NEK10: variants seen among roughly 807,000 people sequenced by gnomAD.
NEK10 encodes the protein NIMA related kinase 10.
In NEK10, 122 loss-of-function variants were observed where a neutral mutation model predicts 159.8. The ratio of observed to expected loss-of-function variants is 0.76; its 90% CI spans 0.66 to 0.89. The LOEUF (loss-of-function observed/expected upper bound fraction) is 0.89, where lower values mean the gene tolerates loss of function less well. Ranked by LOEUF, NEK10 falls within the 40% of genes least tolerant of loss-of-function variation. The probability of loss-of-function intolerance (pLI) is 0.00; values close to 1 mark genes in which losing one functional copy is unlikely to be tolerated. For missense variants in NEK10, 1,342 were observed against 1,323.1 expected (o/e 1.01, Z -0.22); for synonymous variants, 466 against 457.1 (o/e 1.02, Z -0.25).
At chr3:27,196,253 C>T (rs1178688798) in intron 25 of NEK10, among the ~76,000 whole-genome samples, 4 of 152,184 alleles carry the variant, frequency 2.6e-5, no homozygotes, top group African/African-American at 9.7e-5. Flanking sequence ...CCCCTGCCTG[C>T]TCAATTGATC....
intron 35 of NEK10, among the ~76,000 whole-genome samples, chr3:27,114,032 T>C (rs551660297): frequency 6.6e-6 from 1 of 152,312 alleles, no homozygotes; most frequent in South Asian, 2.1e-4. Flanking sequence ...CTATCCATGA[T>C]AGTATGCTTA....
At position 27,174,758 on chromosome 3, in the gene NEK10, C is replaced by T. The variant is rs539373085; in HGVS notation, c.2581G>A (p.Ala861Thr). The change falls in exon 27 of 36, where the codon GCA becomes ACA. Residue 861 changes from alanine (A) to threonine (T), a missense_variant. Transcript: ENST00000691995. ...ASLKSELSES[A>T]DLPPEGFQAS... ...TGGAAGCCTTCAGGGGGCAGGTCTG[C>T]GCTTTCTGAAAGTTCACTTTTCAGG... The T allele has an allele frequency of 2.7e-5, 43 of 1,613,074 alleles. No homozygotes were observed. The highest frequency in any genetic ancestry group is 2.3e-4 in the South Asian group (21 of 90,854).
chr3:27,332,557 A>G (rs570046915), intron 5 of NEK10, among the ~76,000 whole-genome samples: 33 of 152,318 alleles, frequency 2.2e-4, no homozygotes, highest in African/African-American at 7.7e-4. Context: ...ACTTTCAATA[A>G]CTTCATAAAA....
At chr3:27,365,292 C>A (rs567435654) in intron 1 of NEK10, among the ~76,000 whole-genome samples, 2 of 152,200 alleles carry the variant, frequency 1.3e-5, no homozygotes, top group East Asian at 3.9e-4. Flanking sequence ...TTAATTTTTA[C>A]AGGAGGGCTT....
At chr3:27,186,772 G>A (rs925687443) in intron 26 of NEK10, among the ~76,000 whole-genome samples, 3 of 152,200 alleles carry the variant, frequency 2.0e-5, no homozygotes, top group African/African-American at 7.2e-5. Context: ...GTAGGCACCT[G>A]GGACAGAAGA....
intron 23 of NEK10, among the ~76,000 whole-genome samples, chr3:27,248,339 T>C (rs555131716): frequency 3.3e-4 from 50 of 152,294 alleles, no homozygotes; most frequent in African/African-American, 8.7e-4. Context: ...TCTTTTGTAT[T>C]GTTTTCTTCA....
chr3:27,120,082 C>T lies in NEK10; in HGVS notation c.3082-214G>A, dbSNP rs1202839039. The stretch of plus-strand genomic sequence containing the variant: ...AAAATTACAGTGAAAGCAAGTTGGA[C>T]AATTCTCTGGTCATATGAAAAAATA... On this transcript the variant is annotated intron_variant, in intron 32 of 35. Transcript: ENST00000691995. 2.6e-5 allele frequency among the ~76,000 whole-genome samples: 4 copies of T among 152,038 alleles called. 1 individual carries two copies. The South Asian group carries it at 8.3e-4, about 32-fold the overall frequency.
intron 22 of NEK10, among the ~76,000 whole-genome samples, chr3:27,271,157 AT>A (rs1167551985): frequency 1.8e-5 from 2 of 109,978 alleles, no homozygotes; most frequent in East Asian, 2.3e-4. Context: ...TCTTCTATCT[AT>A]CTATCTATCT....
intron 23 of NEK10, among the ~76,000 whole-genome samples, chr3:27,234,815 T>A (rs925223837): frequency 1.3e-5 from 2 of 152,068 alleles, no homozygotes; most frequent in African/African-American, 2.4e-5. Context: ...AAGGAGATCC[T>A]AAGCAAAAAG....
intron 31 of NEK10, among the ~76,000 whole-genome samples, chr3:27,135,582 C>T (rs930782798): frequency 1.2e-4 from 19 of 152,194 alleles, no homozygotes; most frequent in Non-Finnish European, 1.2e-4. Context: ...TCTCTAGTAT[C>T]TCCAAGAATA....
chr3:27,247,088 T>G (rs1168445985), intron 23 of NEK10, among the ~76,000 whole-genome samples: 1 of 152,216 alleles, frequency 6.6e-6, no homozygotes, highest in Non-Finnish European at 1.5e-5. Context: ...ACTTGACTTC[T>G]TCCTTCCCAA....
At position 27,125,441 on chromosome 3, in the gene NEK10, A is replaced by C. The variant is rs559018126; in HGVS notation, c.3082-5573T>G. On this transcript the variant is annotated intron_variant, in intron 32 of 35. Coordinates refer to ENST00000691995, the MANE Select transcript of NEK10 (RefSeq NM_001394966.1). ...CCAGAAGTGAGAAAATTTTCAACAC[A>C]TTTCATCACTCTGCACTCGCCAGTC... Among the ~76,000 whole-genome samples, 3 of 152,204 alleles carry C rather than the reference A, an allele frequency of 2.0e-5. No homozygotes were observed. In the South Asian group the frequency reaches 6.2e-4, roughly 32 times the overall value.
intron 5 of NEK10, among the ~76,000 whole-genome samples, chr3:27,331,253 A>AG: frequency 7.0e-6 from 1 of 143,600 alleles, no homozygotes; most frequent in South Asian, 2.2e-4. Context: ...AAAAAAAACA[A>AG]AAAAAAAAAA....
At chr3:27,119,914 G>T (rs1452525049) in intron 32 of NEK10, 46 bp from the exon 33 acceptor site, 2 of 1,385,486 alleles carry the variant, frequency 1.4e-6, no homozygotes, top group Non-Finnish European at 2.1e-6. Flanking sequence ...CACTCAGAAG[G>T]AAATGGCAGG....
Position 27,192,059 on chromosome 3 carries a change from T to A in NEK10, c.2475A>T (p.Thr825=), listed in dbSNP as rs1249317285. The A allele has an allele frequency of 6.2e-7, 1 of 1,614,218 alleles. No individual in the cohort carries two copies. Among genetic ancestry groups the A allele is most frequent in the Middle Eastern group, 1.6e-4 (1 of 6,062 alleles). The change falls in exon 26 of 36, where the codon ACA becomes ACT. Residue 825 remains threonine (T), a synonymous_variant. Coordinates refer to ENST00000691995, the MANE Select transcript of NEK10 (RefSeq NM_001394966.1). The part of the protein sequence containing the change: ...YFMEANRNTV[T]CHHELAVLSH... ...ATAGAACAGCCAGCTCATGGTGACA[T>A]GTGACGGTGTTCCGGTTGGCTTCCA...
intron 29 of NEK10, 43 bp from the exon 30 acceptor site, chr3:27,162,781 T>A: frequency 6.2e-7 from 1 of 1,613,030 alleles, no homozygotes; most frequent in South Asian, 1.1e-5. Context: ...CTGTTCAACT[T>A]GGATTTGACA....
At chr3:27,284,460 C>G (rs1228201757) in intron 22 of NEK10, 142 bp downstream of exon 22, 4 of 581,240 alleles carry the variant, frequency 6.9e-6, no homozygotes, top group Non-Finnish European at 1.2e-5. Context: ...TGCTCAATAG[C>G]CACATGTGGC....
intron 32 of NEK10, among the ~76,000 whole-genome samples, chr3:27,123,930 G>A: frequency 6.6e-6 from 1 of 151,982 alleles, no homozygotes; most frequent in Non-Finnish European, 1.5e-5. Flanking sequence ...GGGCAAGAGT[G>A]ATACAAGATG....
intron 23 of NEK10, among the ~76,000 whole-genome samples, chr3:27,208,992 TC>T: frequency 6.6e-6 from 1 of 152,152 alleles, no homozygotes; most frequent in South Asian, 2.1e-4. Flanking sequence ...GATGACACAT[TC>T]AAGAGCTGTG....
Sources: allele counts gnomAD v4.1 joint callset (sites outside exome capture counted in the v4.1 genomes callset), GRCh38; gene constraint gnomAD v4.1.1; transcripts MANE v1.5; gene names NCBI Gene and HGNC (gene_info 2026-07-23, HGNC 2026-07-21).